Variants in SLC8A1 observed in about 807,000 individuals in gnomAD.
SLC8A1 encodes the protein solute carrier family 8 member A1.
Under a neutral mutation model 68.3 loss-of-function variants are expected in SLC8A1, and 18 were observed. The ratio of observed to expected loss-of-function variants is 0.26; its 90% CI spans 0.18 to 0.39. The LOEUF (loss-of-function observed/expected upper bound fraction) is 0.39, where lower values mean the gene tolerates loss of function less well. Ranked by LOEUF, SLC8A1 falls within the 10% of genes least tolerant of loss-of-function variation. The probability of loss-of-function intolerance (pLI) is 1.00; values close to 1 mark genes in which losing one functional copy is unlikely to be tolerated. For missense variants in SLC8A1, 985 were observed against 1,156.7 expected, an observed-to-expected ratio of 0.85 and a Z score of 2.15; for synonymous variants, 475 against 415.5, an observed-to-expected ratio of 1.14 and a Z score of -1.74.
chr2:40,270,759 G>A (rs2065924790), intron 2 of SLC8A1, among the ~76,000 whole-genome samples: 2 of 152,190 alleles, frequency 1.3e-5, no homozygotes, highest in South Asian at 4.1e-4. Flanking sequence ...GACATCTTGG[G>A]TGGGAGCATT....
intron 2 of SLC8A1, among the ~76,000 whole-genome samples, chr2:40,358,186 T>C (rs1333160220): frequency 6.6e-6 from 1 of 151,702 alleles, no homozygotes; most frequent in Non-Finnish European, 1.5e-5. Flanking sequence ...CATTATTCAT[T>C]CAAGAAAAAA....
chr2:40,252,217 G>A (rs112960699), intron 2 of SLC8A1, among the ~76,000 whole-genome samples: 13 of 152,146 alleles, frequency 8.5e-5, no homozygotes, highest in Non-Finnish European at 1.2e-4. Context: ...GTTGGACTTC[G>A]CGGTTTATTC....
intron 2 of SLC8A1, among the ~76,000 whole-genome samples, chr2:40,340,912 C>G (rs1375106941): frequency 6.6e-6 from 1 of 152,152 alleles, no homozygotes; most frequent in Non-Finnish European, 1.5e-5. Context: ...GTACTAAAGG[C>G]TTTGATTCCT....
At chr2:40,491,778 A>G (rs1437005368) in intron 1 of SLC8A1, among the ~76,000 whole-genome samples, 1 of 152,128 alleles carries the variant, frequency 6.6e-6, no homozygotes, top group Non-Finnish European at 1.5e-5. Flanking sequence ...ATGCTGGATT[A>G]CATTTATTGA....
chr2:40,126,894 C>T (rs2038231882), intron 7 of SLC8A1, among the ~76,000 whole-genome samples: 1 of 152,222 alleles, frequency 6.6e-6, no homozygotes, highest in Admixed American at 6.5e-5. Flanking sequence ...ATGCCCAACA[C>T]TGGCCAGTAC....
At position 40,115,740 on chromosome 2, in the gene SLC8A1, T is replaced by C. The variant is rs2035197474; in HGVS notation, c.2438-111A>G. 2.1e-6 allele frequency: 3 copies of C among 1,397,650 alleles called. No individual in the cohort carries two copies. The South Asian group carries it at 4.2e-5, about 20-fold the overall frequency. The allele number at this position is 1,397,650 out of a possible 1,614,324, so 86.6% of individuals were successfully genotyped here. The stretch of plus-strand genomic sequence containing the variant: ...GACCCAACCCTTAATATAAACCCAG[T>C]GACCAAGAAATGGCTTTGATGTTCC... On this transcript the variant is annotated intron_variant, in intron 7 of 7. Coordinates refer to ENST00000406785, the Ensembl canonical transcript of SLC8A1.
intron 2 of SLC8A1, among the ~76,000 whole-genome samples, chr2:40,179,514 C>G (rs2049058888): frequency 6.6e-6 from 1 of 152,168 alleles, no homozygotes; most frequent in Non-Finnish European, 1.5e-5. Context: ...AGGGCTTAAA[C>G]AATTCATATA....
Position 40,178,383 on chromosome 2 carries a change from C to T in SLC8A1, c.1809-528G>A, listed in dbSNP as rs764584744. 1 of 1,613,006 alleles carries T rather than the reference C, an allele frequency of 6.2e-7. No homozygotes were observed. Reference sequence around the variant, plus strand: ...TGGGCTCAGCCCTGGAGCAGCTCCCCCACCTTTCTTCTCACTCATCTCCAC... The same window carrying T: ...TGGGCTCAGCCCTGGAGCAGCTCCCTCACCTTTCTTCTCACTCATCTCCAC... On this transcript the variant is annotated intron_variant, in intron 2 of 7. Coordinates refer to ENST00000406785, the Ensembl canonical transcript of SLC8A1.
chr2:40,494,102 T>C (rs1488214389), intron 1 of SLC8A1, among the ~76,000 whole-genome samples: 1 of 152,022 alleles, frequency 6.6e-6, no homozygotes, highest in Non-Finnish European at 1.5e-5. Context: ...TTGAATCATT[T>C]GACCTGCATT....
At chr2:40,228,109 C>A (rs746869785) in intron 2 of SLC8A1, among the ~76,000 whole-genome samples, 1 of 152,152 alleles carries the variant, frequency 6.6e-6, no homozygotes, top group Non-Finnish European at 1.5e-5. Context: ...GACTGCCTTT[C>A]ATCAGTGCAA....
intron 6 of SLC8A1, among the ~76,000 whole-genome samples, chr2:40,142,235 G>A (rs910073003): frequency 6.6e-6 from 1 of 151,724 alleles, no homozygotes. Context: ...TTAGCTCCAG[G>A]TAGAACTCCA....
In SLC8A1 at chr2:40,294,546, A is replaced by G. The variant is rs190979928; in HGVS notation, c.1809-116691T>C. ...ATAAAAAAGCAAGTTGCATATATAT[A>G]TATGGGGAGAGAGAGGGAGAGAGAG... is the stretch of plus-strand genomic sequence containing the variant. On this transcript the variant is annotated intron_variant, in intron 2 of 7. Transcript: ENST00000406785. Among the ~76,000 whole-genome samples the G allele has an allele frequency of 1.2e-4, 18 of 152,224 alleles. No homozygotes were observed. In the East Asian group the frequency reaches 3.5e-3, roughly 29 times the overall value.
At chr2:40,471,448 A>T (rs971200050) in intron 1 of SLC8A1, among the ~76,000 whole-genome samples, 1 of 152,146 alleles carries the variant, frequency 6.6e-6, no homozygotes, top group Non-Finnish European at 1.5e-5. Context: ...CTCATCCATC[A>T]ATGTCTAAAC....
At chr2:40,407,446 T>C (rs1464425151) in intron 2 of SLC8A1, among the ~76,000 whole-genome samples, 7 of 152,236 alleles carry the variant, frequency 4.6e-5, no homozygotes, top group Non-Finnish European at 1.0e-4. Flanking sequence ...CCTTCACTTC[T>C]TCAAACGTCA....
intron 2 of SLC8A1, among the ~76,000 whole-genome samples, chr2:40,360,695 A>G (rs1674346619): frequency 6.6e-6 from 1 of 152,162 alleles, no homozygotes; most frequent in Non-Finnish European, 1.5e-5. Context: ...TAAAGGCAAC[A>G]AACCCAAGGA....
At chr2:40,427,701 G>A (rs1697248310) in intron 2 of SLC8A1, among the ~76,000 whole-genome samples, 1 of 152,108 alleles carries the variant, frequency 6.6e-6, no homozygotes, top group African/African-American at 2.4e-5. Flanking sequence ...AGTACCACGA[G>A]GAAGAATAAA....
chr2:40,447,496 A>C (rs1054142780), intron 1 of SLC8A1, among the ~76,000 whole-genome samples: 3 of 151,488 alleles, frequency 2.0e-5, no homozygotes, highest in Non-Finnish European at 4.4e-5. Flanking sequence ...GCAGCAACCT[A>C]GTTTTAAACC....
chr2:40,352,081 G>A (rs571928404), intron 2 of SLC8A1, among the ~76,000 whole-genome samples: 85 of 152,252 alleles, frequency 5.6e-4, no homozygotes, highest in African/African-American at 1.8e-3. Context: ...CCTAGAAATT[G>A]TAACAAGCTA....
chr2:40,404,880 C>T (rs1203648177), intron 2 of SLC8A1, among the ~76,000 whole-genome samples: 2 of 152,136 alleles, frequency 1.3e-5, no homozygotes, highest in Non-Finnish European at 2.9e-5. Context: ...AAGCTACATA[C>T]AAGCAATTGA....
Sources: allele counts gnomAD v4.1 joint callset (sites outside exome capture counted in the v4.1 genomes callset), GRCh38; gene constraint gnomAD v4.1.1; transcripts MANE v1.5; gene names NCBI Gene and HGNC (gene_info 2026-07-23, HGNC 2026-07-21).